APC: variants seen among roughly 807,000 people sequenced by gnomAD.
The protein encoded by APC is APC regulator of Wnt signaling pathway, also known as adenomatous polyposis coli protein.
A neutral mutation model predicts 247.0 loss-of-function variants in APC; 72 were observed. That is an observed-to-expected ratio of 0.29 (90% CI 0.24 to 0.35). The LOEUF (loss-of-function observed/expected upper bound fraction) is 0.35, where lower values mean the gene tolerates loss of function less well. APC is among the 10% of genes least tolerant of loss of function. APC has a pLI of 1.00. For synonymous variants in APC, 1,254 were observed against 1,162.5 expected (o/e 1.08, Z -1.60); for missense variants, 3,400 against 3,360.7 (o/e 1.01, Z -0.29).
chr5:112,718,648 C>A (rs1751312809), intron 1 of APC, among the ~76,000 whole-genome samples: 1 of 152,242 alleles, frequency 6.6e-6, no homozygotes, highest in Admixed American at 6.5e-5. Context: ...GGGTTCCTGA[C>A]TTCTAGTGGA....
intron 1 of APC, among the ~76,000 whole-genome samples, chr5:112,714,176 G>A (rs1200145948): frequency 1.3e-5 from 2 of 152,160 alleles, no homozygotes; most frequent in Admixed American, 6.5e-5. Context: ...GATGGGAGAT[G>A]TTTGGAAATA....
chr5:112,832,616 A>G (rs918343281), intron 14 of APC, among the ~76,000 whole-genome samples: 5 of 151,980 alleles, frequency 3.3e-5, no homozygotes, highest in African/African-American at 9.7e-5. Context: ...TCTCCTTTGC[A>G]TCTTCTTTCT....
At chr5:112,811,024 C>G (rs1456559408) in intron 8 of APC, among the ~76,000 whole-genome samples, 1 of 36,402 alleles carries the variant, frequency 2.7e-5, no homozygotes, top group Non-Finnish European at 6.4e-5. Context: ...AACTCCATCT[C>G]ACACACACAC....
intron 4 of APC, among the ~76,000 whole-genome samples, chr5:112,775,014 C>G (rs1757464362): frequency 6.6e-6 from 1 of 152,156 alleles, no homozygotes; most frequent in Non-Finnish European, 1.5e-5. Context: ...CTGTAACACT[C>G]TTACTGTGCA....
At chr5:112,763,829 C>G (rs1222489892) in intron 2 of APC, among the ~76,000 whole-genome samples, 1 of 152,232 alleles carries the variant, frequency 6.6e-6, no homozygotes, top group Non-Finnish European at 1.5e-5. Flanking sequence ...TTTTCAGCCT[C>G]TACCCCAGGC....
chr5:112,827,835 T>C, intron 12 of APC, 94 bp from the exon 13 acceptor site: 2 of 998,288 alleles, frequency 2.0e-6, no homozygotes, highest in Non-Finnish European at 3.1e-6. Context: ...TAAAACAAAA[T>C]AATGAAAACT....
intron 1 of APC, among the ~76,000 whole-genome samples, chr5:112,714,554 C>T (rs1034239852): frequency 3.9e-5 from 6 of 152,162 alleles, no homozygotes; most frequent in Admixed American, 1.3e-4. Flanking sequence ...TCCATTATTC[C>T]CCATGATTTG....
rs539965842 is a variant in APC, at chr5:112,747,672, G to C, written c.-18-7201G>C. Among the ~76,000 whole-genome samples, 4 of 152,262 alleles carry C rather than the reference G, an allele frequency of 2.6e-5. No individual in the cohort carries two copies. The East Asian group carries it at 7.7e-4, about 29-fold the overall frequency. On this transcript the variant is annotated intron_variant, in intron 1 of 15. Coordinates refer to ENST00000257430, the MANE Select transcript of APC (RefSeq NM_000038.6). ...AGATGGGAGCTTACAATGCCATAAAGAGTAAGAGACATTCAAATTGACATT... is the reference window on the plus strand; with the variant it reads ...AGATGGGAGCTTACAATGCCATAAACAGTAAGAGACATTCAAATTGACATT...
Position 112,840,876 on chromosome 5 carries a change from A to C in APC, c.5282A>C (p.Asn1761Thr), listed in dbSNP as rs752038930. The C allele has an allele frequency of 1.0e-4, 169 of 1,613,944 alleles. No homozygotes were observed. Among genetic ancestry groups the C allele is most frequent in the Non-Finnish European group, 1.4e-4 (160 of 1,179,914 alleles). The change falls in exon 16 of 16, where the codon AAC becomes ACC. Residue 1761 changes from asparagine to threonine, a missense_variant. Asn to Thr is a moderately conservative substitution (Grantham distance 65). Coordinates refer to ENST00000257430, the MANE Select transcript of APC (RefSeq NM_000038.6). This position sits in a 1 kb window ranked among gnomAD's most constrained non-coding sequence, Gnocchi z 4.1. ...QQASASSSAP[N>T]KNQLDGKKKK... is the part of the protein sequence containing the mutation. Reference sequence around the variant, plus strand: ...GCATCTGCGTCTTCTTCTGCACCCAACAAAAATCAGTTAGATGGTAAGAAA... The same window carrying C: ...GCATCTGCGTCTTCTTCTGCACCCACCAAAAATCAGTTAGATGGTAAGAAA...
chr5:112,807,001 C>T (rs1163362378), intron 8 of APC, among the ~76,000 whole-genome samples: 9 of 151,990 alleles, frequency 5.9e-5, no homozygotes, highest in Admixed American at 2.6e-4. Flanking sequence ...GGCATGGTGG[C>T]GTGCATCTGT....
intron 10 of APC, among the ~76,000 whole-genome samples, chr5:112,819,755 G>T (rs1580533716): frequency 1.3e-5 from 2 of 152,260 alleles, no homozygotes; most frequent in East Asian, 3.9e-4. Flanking sequence ...ATATTCAGGG[G>T]ATACAGAGCA....
At chr5:112,761,815 A>G (rs1755706778) in intron 2 of APC, among the ~76,000 whole-genome samples, 1 of 152,218 alleles carries the variant, frequency 6.6e-6, no homozygotes, top group African/African-American at 2.4e-5. Flanking sequence ...GGATAATCTT[A>G]TCTATGTGGC....
At chr5:112,827,012 T>G in intron 11 of APC, 96 bp from the exon 12 acceptor site, 1 of 1,218,018 alleles carries the variant, frequency 8.2e-7, no homozygotes, top group Non-Finnish European at 1.2e-6. Flanking sequence ...TTCTCATTGA[T>G]TGAGTTTTTT....
At position 112,767,175 on chromosome 5, in the gene APC, T is replaced by G; in HGVS notation, c.221-14T>G. On this transcript the variant is annotated splice_polypyrimidine_tract_variant and intron_variant, in intron 3 of 15. Coordinates refer to ENST00000257430, the MANE Select transcript of APC (RefSeq NM_000038.6). Reference sequence around the variant, plus strand: ...AGCAATTGTTGTATAAAAACTTGTTTCTATTTTATTTAGAGCTTAACTTAG... The same window carrying G: ...AGCAATTGTTGTATAAAAACTTGTTGCTATTTTATTTAGAGCTTAACTTAG... 6.2e-7 allele frequency: 1 copy of G among 1,604,468 alleles called. No individual in the cohort carries two copies. Among genetic ancestry groups the G allele is most frequent in the Non-Finnish European group, 8.5e-7 (1 of 1,171,258 alleles).
chr5:112,826,661 G>A (rs749988822), intron 11 of APC, among the ~76,000 whole-genome samples: 3 of 150,902 alleles, frequency 2.0e-5, no homozygotes, highest in Non-Finnish European at 4.4e-5. Context: ...TATTCCTAAG[G>A]GTAATTATTT....
At chr5:112,825,734 C>T (rs1005708995) in intron 11 of APC, among the ~76,000 whole-genome samples, 1 of 152,188 alleles carries the variant, frequency 6.6e-6, no homozygotes, top group Non-Finnish European at 1.5e-5. Flanking sequence ...CTTTACGTTT[C>T]AACTTAAACA....
At chr5:112,787,055 T>C (rs1208078498) in intron 6 of APC, among the ~76,000 whole-genome samples, 1 of 152,062 alleles carries the variant, frequency 6.6e-6, no homozygotes, top group African/African-American at 2.4e-5. Context: ...GCCTGGCTAA[T>C]TTTTGTATTT....
upstream of APC, among the ~76,000 whole-genome samples, chr5:112,736,150 A>G (rs190981270): frequency 5.3e-5 from 8 of 152,368 alleles, no homozygotes; most frequent in Admixed American, 5.2e-4. Context: ...GCAGTGAATC[A>G]TGTGCTTTCA....
At chr5:112,801,185 A>C in intron 7 of APC, 94 bp from the exon 8 acceptor site, 2 of 893,216 alleles carry the variant, frequency 2.2e-6, no homozygotes, top group South Asian at 2.9e-5. Flanking sequence ...TAATTGATGC[A>C]TTCAGAGCTT....
Sources: allele counts gnomAD v4.1 joint callset (sites outside exome capture counted in the v4.1 genomes callset), GRCh38; gene constraint gnomAD v4.1.1; non-coding constraint Gnocchi (gnomAD v3.1); transcripts MANE v1.5; gene names NCBI Gene and HGNC (gene_info 2026-07-23, HGNC 2026-07-21).